The following ADAMTS17 variants were observed in gnomAD, a reference collection of about 807,000 sequenced individuals.
ADAMTS17 encodes the protein A disintegrin and metalloproteinase with thrombospondin motifs 17.
A neutral mutation model predicts 141.5 loss-of-function variants in ADAMTS17; 113 were observed. The observed-to-expected ratio is 0.80, with a 90% CI of 0.69 to 0.93. The LOEUF (loss-of-function observed/expected upper bound fraction) is 0.93. Ranked by LOEUF, ADAMTS17 falls within the 40% of genes least tolerant of loss-of-function variation. The pLI is 0.00. For synonymous variants in ADAMTS17, 768 were observed against 630.6 expected, an observed-to-expected ratio of 1.22 and a Z score of -3.27; for missense variants, 1,659 against 1,517.9, an observed-to-expected ratio of 1.09 and a Z score of -1.54.
chr15:100,185,434 C>G (rs2040679326), intron 8 of ADAMTS17, among the ~76,000 whole-genome samples: 1 of 152,172 alleles, frequency 6.6e-6, no homozygotes, highest in South Asian at 2.1e-4. Context: ...CATGTTGACC[C>G]CATGTCACAG....
chr15:100,224,514 A>G (rs529647801), intron 7 of ADAMTS17, among the ~76,000 whole-genome samples: 1 of 152,334 alleles, frequency 6.6e-6, no homozygotes, highest in South Asian at 2.1e-4. Flanking sequence ...GAGAAAACAA[A>G]AAAACCTCAA....
intron 2 of ADAMTS17, among the ~76,000 whole-genome samples, chr15:100,334,560 G>A (rs1289456524): frequency 6.6e-6 from 1 of 152,026 alleles, no homozygotes. Flanking sequence ...TCTCCGGCGG[G>A]CACACACCTC....
chr15:100,147,435 G>A (rs1208596219), intron 10 of ADAMTS17, among the ~76,000 whole-genome samples: 1 of 152,178 alleles, frequency 6.6e-6, no homozygotes, highest in Non-Finnish European at 1.5e-5. Context: ...AGGCTCTGTG[G>A]TGTAGCCTAT....
chr15:100,182,280 C>T (rs949002488), intron 8 of ADAMTS17, among the ~76,000 whole-genome samples: 1 of 152,176 alleles, frequency 6.6e-6, no homozygotes, highest in Non-Finnish European at 1.5e-5. Context: ...GGACGAGCCC[C>T]TTATAAAATG....
At position 100,014,948 on chromosome 15, in the gene ADAMTS17, T is replaced by C. The variant is rs570101806; in HGVS notation, c.2592-17359A>G. On this transcript the variant is annotated intron_variant, in intron 18 of 21. Coordinates refer to ENST00000268070, the MANE Select transcript of ADAMTS17 (RefSeq NM_139057.4). ...TCTGTTTTGATGAACTGTCTAGTGC[T>C]ATCAGTGGAGTACTGAAGTCCCCCA... is the stretch of plus-strand genomic sequence containing the variant. Among the ~76,000 whole-genome samples, 3 of 152,354 alleles carry C rather than the reference T, an allele frequency of 2.0e-5. No individual in the cohort carries two copies. The South Asian group carries it at 6.2e-4, about 32-fold the overall frequency.
chr15:100,152,464 G>C, intron 10 of ADAMTS17, 148 bp downstream of exon 10: 3 of 1,019,522 alleles, frequency 2.9e-6, no homozygotes, highest in Non-Finnish European at 3.0e-6. Flanking sequence ...ATGCAAACGT[G>C]TGTGTGCATA....
At chr15:100,314,091 C>G (rs891479529) in intron 3 of ADAMTS17, among the ~76,000 whole-genome samples, 1 of 152,142 alleles carries the variant, frequency 6.6e-6, no homozygotes, top group Non-Finnish European at 1.5e-5. Context: ...AAACGTCAGA[C>G]AAAACCAAAT....
At chr15:100,204,126 AACT>A (rs1042015104) in intron 7 of ADAMTS17, among the ~76,000 whole-genome samples, 14 of 152,198 alleles carry the variant, frequency 9.2e-5, no homozygotes, top group Admixed American at 9.2e-4. Flanking sequence ...TTCAGTAGAA[AACT>A]ACATGATAGA....
At chr15:100,063,365 G>T (rs904987998) in intron 15 of ADAMTS17, among the ~76,000 whole-genome samples, 5 of 152,166 alleles carry the variant, frequency 3.3e-5, no homozygotes, top group African/African-American at 9.7e-5. Flanking sequence ...GCTCTCCTGG[G>T]GTTACTTTGG....
At chr15:100,253,642 T>TA (rs1306897035) in intron 7 of ADAMTS17, among the ~76,000 whole-genome samples, 1 of 152,034 alleles carries the variant, frequency 6.6e-6, no homozygotes, top group Non-Finnish European at 1.5e-5. Context: ...CTTTAGTCAC[T>TA]AAAAAGCAAG....
At chr15:100,245,770 A>C (rs546116366) in intron 7 of ADAMTS17, among the ~76,000 whole-genome samples, 1 of 152,288 alleles carries the variant, frequency 6.6e-6, no homozygotes, top group South Asian at 2.1e-4. Context: ...CTGGTAGAGA[A>C]CTTACAGATT....
intron 7 of ADAMTS17, among the ~76,000 whole-genome samples, chr15:100,227,087 TA>T (rs1170493798): frequency 6.6e-6 from 1 of 152,100 alleles, no homozygotes; most frequent in East Asian, 1.9e-4. Context: ...GATGAAACCC[TA>T]CCCACAGCCT....
intron 12 of ADAMTS17, among the ~76,000 whole-genome samples, chr15:100,131,757 C>T (rs1016581984): frequency 2.0e-5 from 3 of 152,126 alleles, no homozygotes; most frequent in African/African-American, 7.2e-5. Flanking sequence ...CCACTGAGGC[C>T]CAGGGAAGGA....
At chr15:100,052,030 A>G (rs2032189295) in intron 16 of ADAMTS17, among the ~76,000 whole-genome samples, 1 of 152,220 alleles carries the variant, frequency 6.6e-6, no homozygotes, top group Non-Finnish European at 1.5e-5. Flanking sequence ...GAAACCTCTC[A>G]CTGCACTTTT....
In ADAMTS17 at chr15:99,982,456, G is replaced by A. The variant is rs530991666; in HGVS notation, c.2950-6234C>T. 1.6e-3 allele frequency among the ~76,000 whole-genome samples: 251 copies of A among 152,288 alleles called. 1 individual carries two copies. Among genetic ancestry groups the A allele is most frequent in the African/African-American group, 5.6e-3 (233 of 41,570 alleles). The stretch of plus-strand genomic sequence containing the variant: ...ACATGATTCCAGACAGGTCTGAAGG[G>A]GCTGCTGTTGAACGACACCCTCGTA... On this transcript the variant is annotated intron_variant, in intron 20 of 21. Transcript: ENST00000268070.
At chr15:99,998,367 C>G (rs1032179098) in intron 18 of ADAMTS17, among the ~76,000 whole-genome samples, 1 of 152,190 alleles carries the variant, frequency 6.6e-6, no homozygotes, top group Non-Finnish European at 1.5e-5. Flanking sequence ...CTTTGGGAGG[C>G]TGAGGCAGGT....
At chr15:100,035,479 G>A (rs1314776181) in intron 18 of ADAMTS17, among the ~76,000 whole-genome samples, 1 of 152,198 alleles carries the variant, frequency 6.6e-6, no homozygotes, top group Non-Finnish European at 1.5e-5. Context: ...TCACCAGTGT[G>A]TAATGTTTGC....
intron 17 of ADAMTS17, among the ~76,000 whole-genome samples, chr15:100,050,969 C>T (rs773316493): frequency 3.8e-4 from 58 of 152,328 alleles, no homozygotes; most frequent in South Asian, 2.5e-3. Context: ...TCTTGCTGTA[C>T]GACAGGCTCT....
At chr15:100,231,686 T>G (rs1321380417) in intron 7 of ADAMTS17, among the ~76,000 whole-genome samples, 1 of 152,128 alleles carries the variant, frequency 6.6e-6, no homozygotes, top group Non-Finnish European at 1.5e-5. Context: ...AGGAGTGAGT[T>G]TGGAATCACC....
Sources: allele counts gnomAD v4.1 joint callset (sites outside exome capture counted in the v4.1 genomes callset), GRCh38; gene constraint gnomAD v4.1.1; transcripts MANE v1.5; gene names NCBI Gene and HGNC (gene_info 2026-07-23, HGNC 2026-07-21).